The following LCOR variants were observed in gnomAD, a reference collection of about 807,000 sequenced individuals.
LCOR encodes the protein ligand-dependent corepressor.
A neutral mutation model predicts 64.4 loss-of-function variants in LCOR; 14 were observed. The observed-to-expected ratio is 0.22, with a 90% CI of 0.14 to 0.34. LCOR has a LOEUF of 0.34. Among genes scored for constraint, LCOR ranks in the 10% least tolerant of loss-of-function variants. The pLI, the probability that LCOR is intolerant of heterozygous loss-of-function variation, is 1.00. For missense variants in LCOR, 1,686 were observed against 1,765.3 expected, an observed-to-expected ratio of 0.96 and a Z score of 0.80; for synonymous variants, 643 against 642.5, an observed-to-expected ratio of 1.00 and a Z score of -0.01.
chr10:96,915,808 A>G (rs1354507060), intron 4 of LCOR: 2 of 576,562 alleles, frequency 3.5e-6, no homozygotes. Context: ...TTGGAGGAGC[A>G]GGGTTAGCAG....
At chr10:96,875,876 A>G (rs1846155815) in intron 2 of LCOR, among the ~76,000 whole-genome samples, 1 of 152,140 alleles carries the variant, frequency 6.6e-6, no homozygotes, top group Non-Finnish European at 1.5e-5. Context: ...AGAAAAAAAC[A>G]ACAAAAAACA....
chr10:96,982,071 G>A lies in LCOR; in HGVS notation c.1611G>A (p.Glu537=). 1 of 1,614,138 alleles carries A rather than the reference G, an allele frequency of 6.2e-7. No individual in the cohort carries two copies. The highest frequency in any genetic ancestry group is 8.5e-7 in the Non-Finnish European group (1 of 1,180,026). ...CAAGCTGCTCAGCATTGGCATCAGA[G>A]GCAGTTTTCACTCCTAAGCAGACCC... The part of the protein sequence containing the change: ...EKASCSALAS[E]AVFTPKQTLT... Residue 537 remains glutamate (E), a synonymous_variant, in exon 8 of 8, where the codon GAG becomes GAA. Coordinates refer to ENST00000421806, the MANE Select transcript of LCOR (RefSeq NM_001346516.2).
At chr10:96,874,823 A>T (rs1846136806) in intron 2 of LCOR, among the ~76,000 whole-genome samples, 1 of 151,848 alleles carries the variant, frequency 6.6e-6, no homozygotes, top group South Asian at 2.1e-4. Flanking sequence ...TTTTTAGTAG[A>T]GATGGGGTTT....
At chr10:96,937,819 GAGTACC>G (rs1847377625) in intron 4 of LCOR, among the ~76,000 whole-genome samples, 1 of 152,160 alleles carries the variant, frequency 6.6e-6, no homozygotes, top group Non-Finnish European at 1.5e-5. Context: ...TACCATTTAT[GAGTACC>G]AGCACAAAAA....
intron 2 of LCOR, among the ~76,000 whole-genome samples, chr10:96,853,318 G>GTTAC (rs1217391667): frequency 9.2e-5 from 14 of 152,258 alleles, no homozygotes; most frequent in South Asian, 4.1e-4. Context: ...AAGTGCTGGG[G>GTTAC]TTACACGTGT....
At chr10:96,937,179 A>G (rs1467574850) in intron 4 of LCOR, among the ~76,000 whole-genome samples, 1 of 152,208 alleles carries the variant, frequency 6.6e-6, no homozygotes, top group African/African-American at 2.4e-5. Flanking sequence ...GAAGAGGACC[A>G]TGTAAAGATG....
At chr10:96,924,762 A>G (rs1188933406) in intron 4 of LCOR, among the ~76,000 whole-genome samples, 1 of 152,194 alleles carries the variant, frequency 6.6e-6, no homozygotes, top group African/African-American at 2.4e-5. Flanking sequence ...CACACCCCTC[A>G]GACCTCTTTA....
intron 4 of LCOR, among the ~76,000 whole-genome samples, chr10:96,919,785 G>T (rs1184926907): frequency 1.3e-5 from 2 of 152,150 alleles, no homozygotes; most frequent in Non-Finnish European, 2.9e-5. Flanking sequence ...TATTGCCTAA[G>T]ATAGTGTCCT....
At chr10:96,832,742 C>T (rs1845363763) in intron 1 of LCOR, among the ~76,000 whole-genome samples, 1 of 150,672 alleles carries the variant, frequency 6.6e-6, no homozygotes, top group Admixed American at 6.6e-5. Context: ...GCCCGGCGCC[C>T]CGGCGCCGCC....
intron 7 of LCOR, chr10:96,957,108 TG>T (rs1847796741): frequency 1.0e-6 from 1 of 985,112 alleles, no homozygotes; most frequent in Non-Finnish European, 1.2e-6. Context: ...TCAAGCTCAT[TG>T]GAATTCCTTT....
Position 96,982,565 on chromosome 10 carries a change from C to T in LCOR, c.2105C>T (p.Pro702Leu). Residue 702 changes from proline to leucine, a missense_variant, in exon 8 of 8, where the codon CCT becomes CTT. Physicochemically the swap from Pro to Leu is moderately conservative, Grantham distance 98. Around this residue, in one of 3 missense-constraint regions of LCOR, gnomAD observed 1,293 missense variants for 1,410.4 expected, o/e 0.92. Coordinates refer to ENST00000421806, the MANE Select transcript of LCOR (RefSeq NM_001346516.2). ...GAAATAGTCAGTAGAGAAGAAAGTC[C>T]TCAGTGCTCAGAAAATCAGAGTTCC... ...PPEIVSREES[P>L]QCSENQSSPM... is the part of the protein sequence containing the mutation. 2.5e-6 allele frequency: 4 copies of T among 1,614,100 alleles called. No homozygotes were observed. Among genetic ancestry groups the T allele is most frequent in the Non-Finnish European group, 3.4e-6 (4 of 1,180,018 alleles).
chr10:96,898,544 ATGG>A (rs1846580793), intron 2 of LCOR, among the ~76,000 whole-genome samples: 1 of 152,150 alleles, frequency 6.6e-6, no homozygotes, highest in Non-Finnish European at 1.5e-5. Context: ...GGTGGTAGAG[ATGG>A]TGGTGTGGGA....
chr10:96,845,082 C>T (rs1349460143), intron 2 of LCOR, among the ~76,000 whole-genome samples: 1 of 151,830 alleles, frequency 6.6e-6, no homozygotes, highest in African/African-American at 2.4e-5. Flanking sequence ...TGTGTAATTA[C>T]TGAGAAGGAG....
At chr10:96,850,448 G>A (rs150934811) in intron 2 of LCOR, among the ~76,000 whole-genome samples, 3 of 152,270 alleles carry the variant, frequency 2.0e-5, no homozygotes, top group East Asian at 1.9e-4. Context: ...CAACAGGCTG[G>A]TTGCAGAAAT....
chr10:96,918,882 G>A (rs1254957458), intron 4 of LCOR, among the ~76,000 whole-genome samples: 1 of 152,220 alleles, frequency 6.6e-6, no homozygotes, highest in African/African-American at 2.4e-5. Context: ...ATAGGCCGTA[G>A]TAACTGTACT....
rs993187894 is a variant in LCOR, at chr10:96,993,952, A to G, written c.*8818A>G. 1.3e-5 allele frequency: 2 copies of G among 152,038 alleles called. No individual in the cohort carries two copies. Among genetic ancestry groups the G allele is most frequent in the Admixed American group, 1.3e-4 (2 of 15,268 alleles). The allele number at this position is 152,038 out of a possible 1,614,324, so 9.4% of individuals were successfully genotyped here. On this transcript the variant is annotated 3_prime_UTR_variant, in exon 8 of 8. Coordinates refer to ENST00000421806, the MANE Select transcript of LCOR (RefSeq NM_001346516.2). ...GGTGGGGGTAGAACAGCTCTTGCTA[A>G]GACCTCTTGCCTTTGCTGGAGAGGT...
intron 4 of LCOR, among the ~76,000 whole-genome samples, chr10:96,940,459 G>T (rs1161136735): frequency 8.1e-6 from 1 of 123,108 alleles, no homozygotes; most frequent in East Asian, 2.2e-4. Context: ...AGAGGACCCT[G>T]CGGCCTTCCG....
At chr10:96,961,175 C>A (rs923174349) in intron 7 of LCOR, 1 of 152,058 alleles carries the variant, frequency 6.6e-6, no homozygotes, top group Non-Finnish European at 1.5e-5. Context: ...ATAGAAAAAT[C>A]TTTTACATTG....
At chr10:96,847,014 G>T (rs2134372641) in intron 2 of LCOR, among the ~76,000 whole-genome samples, 1 of 152,308 alleles carries the variant, frequency 6.6e-6, no homozygotes, top group East Asian at 1.9e-4. Flanking sequence ...AGACCGAGGT[G>T]GGAGGATTGC....
Sources: gnomAD v4.1 joint callset for allele counts (sites outside exome capture counted in the v4.1 genomes callset) on GRCh38, gnomAD v4.1.1 for gene constraint, gnomAD v4.1.1 regional missense constraint, MANE v1.5 for transcripts, NCBI Gene and HGNC (gene_info 2026-07-23, HGNC 2026-07-21) for gene names.